The following TMEM132E variants were observed in gnomAD, a reference collection of about 807,000 sequenced individuals.
TMEM132E encodes the protein transmembrane protein 132E.
In TMEM132E, 49 loss-of-function variants were observed where a neutral mutation model predicts 78.5. The ratio of observed to expected loss-of-function variants is 0.62; its 90% CI spans 0.50 to 0.79. TMEM132E has a LOEUF of 0.79. Among genes scored for constraint, TMEM132E ranks in the 30% least tolerant of loss-of-function variants. TMEM132E has a pLI of 0.00. For synonymous variants in TMEM132E, 715 were observed against 670.6 expected, an observed-to-expected ratio of 1.07 and a Z score of -1.02; for missense variants, 1,403 against 1,470.9, an observed-to-expected ratio of 0.95 and a Z score of 0.75.
chr17:34,622,605 A>C (rs1341550359), intron 1 of TMEM132E, among the ~76,000 whole-genome samples: 1 of 152,202 alleles, frequency 6.6e-6, no homozygotes, highest in Non-Finnish European at 1.5e-5. Flanking sequence ...CCCTCCCCTC[A>C]GTGGCCACCC....
rs773194998 is a variant in TMEM132E at position 34,638,205 on chromosome 17, C to A, written c.3198C>A (p.Tyr1066Ter). The change falls in exon 9 of 9, where the codon TAC (tyrosine) becomes TAA (stop). Residue 1066 changes from tyrosine (Y) to a stop codon, truncating the protein, a stop_gained. Coordinates refer to ENST00000631683, the MANE Select transcript of TMEM132E (RefSeq NM_001304438.2). LOFTEE classifies it high-confidence loss of function. ...RPTAPPDLHNYMRRIKEIA is the reference protein window; with the variant it reads ...RPTAPPDLHN ...CTGCACCCCCGGACCTGCACAATTA[C>A]ATGCGCAGAATCAAAGAGATTGCAT... 1 of 1,600,962 alleles carries A rather than the reference C, an allele frequency of 6.2e-7. No homozygotes were observed. The highest frequency in any genetic ancestry group is 8.5e-7 in the Non-Finnish European group (1 of 1,175,226).
chr17:34,632,699 C>T lies in TMEM132E; in HGVS notation c.1483-5C>T, dbSNP rs369592224. 9.9e-6 allele frequency: 16 copies of T among 1,614,050 alleles called. No individual in the cohort carries two copies. Among genetic ancestry groups the T allele is most frequent in the Non-Finnish European group, 1.3e-5 (15 of 1,180,030 alleles). On this transcript the variant is annotated splice_polypyrimidine_tract_variant and splice_region_variant and intron_variant, in intron 5 of 8. Transcript: ENST00000631683. Reference sequence around the variant, plus strand: ...GATGTGCCAACTGTTCCTCCCTTCCCCCAGGTATCCAGCAGCTGTGACTAC... The same window carrying T: ...GATGTGCCAACTGTTCCTCCCTTCCTCCAGGTATCCAGCAGCTGTGACTAC...
rs537505314 is a variant in TMEM132E, at chr17:34,626,788, G to A, written c.729G>A (p.Gly243=). 13 of 1,501,464 alleles carry A rather than the reference G, an allele frequency of 8.7e-6. No individual in the cohort carries two copies. Among genetic ancestry groups the A allele is most frequent in the South Asian group, 1.3e-5 (1 of 79,756 alleles). 93.0% of individuals were successfully genotyped at this position (1,501,464 alleles called of 1,614,324 possible). Residue 243 remains glycine, a synonymous_variant, in exon 2 of 9, where the codon GGG becomes GGA. Coordinates refer to ENST00000631683, the MANE Select transcript of TMEM132E (RefSeq NM_001304438.2). The part of the protein sequence containing the change: ...YYTLHAPDAS[G]GCGGSRRGAG... The stretch of plus-strand genomic sequence containing the variant: ...CGCTCCACGCCCCTGATGCGTCGGG[G>A]GGCTGCGGGGGCTCCCGCCGGGGGG...
chr17:34,604,192 T>C (rs976796065), intron 1 of TMEM132E, among the ~76,000 whole-genome samples: 1 of 152,158 alleles, frequency 6.6e-6, no homozygotes, highest in Non-Finnish European at 1.5e-5. Flanking sequence ...CTGATAACAG[T>C]GGGGCTGGGA....
chr17:34,622,204 C>G (rs755295820), intron 1 of TMEM132E, among the ~76,000 whole-genome samples: 5 of 152,240 alleles, frequency 3.3e-5, no homozygotes, highest in Admixed American at 6.5e-5. Context: ...CCTCTTCCCT[C>G]TCTAGCCACA....
intron 1 of TMEM132E, among the ~76,000 whole-genome samples, chr17:34,585,311 GC>G (rs1905631477): frequency 6.6e-6 from 1 of 152,200 alleles, no homozygotes; most frequent in African/African-American, 2.4e-5. Flanking sequence ...CTTGCCGGGG[GC>G]CTGTCTGGAA....
chr17:34,627,040 G>A lies in TMEM132E; in HGVS notation c.981G>A (p.Val327=). 1 of 1,613,722 alleles carries A rather than the reference G, an allele frequency of 6.2e-7. No individual in the cohort carries two copies. Among genetic ancestry groups the A allele is most frequent in the Non-Finnish European group, 8.5e-7 (1 of 1,180,002 alleles). ...CCTCCTCGCCCTCCAGCCCCAGCGT[G>A]GAGCACTTCACACTCAGGTAGTAGG... ...PNSSSPSSPS[V]EHFTLRVKAK... is the part of the protein sequence containing the mutation. The change falls in exon 2 of 9, where the codon GTG becomes GTA. Residue 327 remains valine (V), a synonymous_variant. Coordinates refer to ENST00000631683, the MANE Select transcript of TMEM132E (RefSeq NM_001304438.2).
chr17:34,594,849 G>A (rs1241055872), intron 1 of TMEM132E, among the ~76,000 whole-genome samples: 1 of 152,256 alleles, frequency 6.6e-6, no homozygotes, highest in African/African-American at 2.4e-5. Context: ...TGGTCCGCTC[G>A]CCTTAGTTTC....
chr17:34,636,121 C>G lies in TMEM132E; in HGVS notation c.2092C>G (p.Leu698Val). ...GGTGGTGGCCAGCCTGGCCCTCTCC[C>G]TGCGGCCCAGCCCTGGGAGCAGCCA... Reference protein sequence around the residue: ...AQVVASLALSLRPSPGSSHTI... With the variant: ...AQVVASLALSVRPSPGSSHTI... The change falls in exon 8 of 9, where the codon CTG becomes GTG. Residue 698 changes from leucine to valine, a missense_variant. By Grantham distance (32) the Leu-to-Val change is conservative. This residue lies in a region of TMEM132E where 888 missense variants were observed against 952.8 expected (regional missense o/e 0.93). Transcript: ENST00000631683. 1 of 1,593,898 alleles carries G rather than the reference C, an allele frequency of 6.3e-7. No individual in the cohort carries two copies. The highest frequency in any genetic ancestry group is 8.5e-7 in the Non-Finnish European group (1 of 1,171,070).
Position 34,621,816 on chromosome 17 carries a change from C to CTGTGTG in TMEM132E, c.68-4293_68-4288dup, listed in dbSNP as rs34320048. Among the ~76,000 whole-genome samples, 11 of 149,472 alleles carry CTGTGTG rather than the reference C, an allele frequency of 7.4e-5. No individual in the cohort carries two copies. The South Asian group carries it at 1.1e-3, about 14-fold the overall frequency. Reference sequence around the variant, plus strand: ...AAGTGGGGGGCGGGCAGGTGCCAGCCTGTGTGTGTGTGTGTGTGTGTGTCC... The same window carrying CTGTGTG: ...AAGTGGGGGGCGGGCAGGTGCCAGCCTGTGTGTGTGTGTGTGTGTGTGTGTGTGTCC... On this transcript the variant is annotated intron_variant, in intron 1 of 8. Transcript: ENST00000631683.
intron 1 of TMEM132E, among the ~76,000 whole-genome samples, chr17:34,618,000 T>C (rs924002548): frequency 6.6e-6 from 1 of 152,238 alleles, no homozygotes; most frequent in Non-Finnish European, 1.5e-5. Flanking sequence ...GTACATAAAA[T>C]TGGTATTATG....
chr17:34,623,262 T>G (rs1211062978), intron 1 of TMEM132E, among the ~76,000 whole-genome samples: 1 of 152,186 alleles, frequency 6.6e-6, no homozygotes, highest in Non-Finnish European at 1.5e-5. Context: ...TGGTGGTCTC[T>G]GCCCCTGCCG....
chr17:34,613,806 C>G (rs992016975), intron 1 of TMEM132E, among the ~76,000 whole-genome samples: 1 of 152,098 alleles, frequency 6.6e-6, no homozygotes, highest in African/African-American at 2.4e-5. Context: ...TGGCAGTTCT[C>G]CTCTCTGGCG....
rs2061010291 is a variant in TMEM132E, at chr17:34,626,121, C to T, written c.68-6C>T. The T allele has an allele frequency of 6.6e-7, 1 of 1,508,044 alleles. No homozygotes were observed. The highest frequency in any genetic ancestry group is 8.8e-7 in the Non-Finnish European group (1 of 1,132,588). The allele number at this position is 1,508,044 out of a possible 1,614,324, so 93.4% of individuals were successfully genotyped here. A position where few individuals can be genotyped will look rare whatever the true frequency, so the allele number is the denominator to read the frequency against. On this transcript the variant is annotated splice_polypyrimidine_tract_variant and splice_region_variant and intron_variant, in intron 1 of 8. Transcript: ENST00000631683. ...CCCTGGGCCTCTTTCCTCTGTCTGTCCCCAGCCTCTGGCCGCTCCCACCCG... is the reference window on the plus strand; with the variant it reads ...CCCTGGGCCTCTTTCCTCTGTCTGTTCCCAGCCTCTGGCCGCTCCCACCCG...
rs568337068 is a variant in TMEM132E, at chr17:34,626,813, G to A, written c.754G>A (p.Ala252Thr). The change falls in exon 2 of 9, where the codon GCC becomes ACC. Residue 252 changes from alanine (A) to threonine (T), a missense_variant. By Grantham distance (58) the Ala-to-Thr change is moderately conservative. This residue lies in a region of TMEM132E where 511 missense variants were observed against 499.0 expected (regional missense o/e 1.02). Transcript: ENST00000631683. Reference sequence around the variant, plus strand: ...GGGCTGCGGGGGCTCCCGCCGGGGGGCCGGGCCCGGGGTGGGGGCCCGAGC... The same window carrying A: ...GGGCTGCGGGGGCTCCCGCCGGGGGACCGGGCCCGGGGTGGGGGCCCGAGC... ...SGGCGGSRRG[A>T]GPGVGARAES... 7.5e-5 allele frequency: 115 copies of A among 1,531,786 alleles called. No homozygotes were observed. In the African/African-American group the frequency reaches 1.4e-3, roughly 19 times the overall value. 94.9% of individuals were successfully genotyped at this position (1,531,786 alleles called of 1,614,324 possible). A position where few individuals can be genotyped will look rare whatever the true frequency, so the allele number is the denominator to read the frequency against.
At chr17:34,595,780 G>A (rs549342170) in intron 1 of TMEM132E, among the ~76,000 whole-genome samples, 18 of 152,220 alleles carry the variant, frequency 1.2e-4, no homozygotes, top group African/African-American at 4.1e-4. Context: ...GGGCAGCAAC[G>A]CCAACAATTG....
intron 1 of TMEM132E, among the ~76,000 whole-genome samples, chr17:34,613,467 C>T (rs905158947): frequency 1.1e-4 from 16 of 150,256 alleles, no homozygotes; most frequent in Admixed American, 9.3e-4. Flanking sequence ...TGGGCCTTCT[C>T]GGTTGGCCCT....
intron 1 of TMEM132E, among the ~76,000 whole-genome samples, chr17:34,621,883 T>G (rs142092001): frequency 1.7e-4 from 26 of 152,218 alleles, no homozygotes; most frequent in African/African-American, 4.6e-4. Flanking sequence ...CTTAGTGTTG[T>G]GCGTCCAAGG....
At position 34,626,730 on chromosome 17, in the gene TMEM132E, CG is replaced by C; in HGVS notation, c.676del (p.Glu226ArgfsTer69). On this transcript the variant is annotated frameshift_variant, in exon 2 of 9. Coordinates refer to ENST00000631683, the MANE Select transcript of TMEM132E (RefSeq NM_001304438.2). LOFTEE classifies it high-confidence loss of function. ...KSPDGLEPEATGESQQAELYY... is the reference protein window; with the variant it reads ...KSPDGLEPEAXGESQQAELYY... ...CCGGACGGGCTGGAGCCCGAGGCGACGGGGGAGAGCCAGCAGGCCGAGCTCT... is the reference window on the plus strand; with the variant it reads ...CCGGACGGGCTGGAGCCCGAGGCGACGGGGAGAGCCAGCAGGCCGAGCTCT... 1.5e-6 allele frequency: 2 copies of C among 1,370,290 alleles called. No homozygotes were observed. Among genetic ancestry groups the C allele is most frequent in the Non-Finnish European group, 1.9e-6 (2 of 1,042,448 alleles). 84.9% of individuals were successfully genotyped at this position (1,370,290 alleles called of 1,614,324 possible).
Sources: gnomAD v4.1 joint callset for allele counts (sites outside exome capture counted in the v4.1 genomes callset) on GRCh38, gnomAD v4.1.1 for gene constraint, gnomAD v4.1.1 regional missense constraint, MANE v1.5 for transcripts, NCBI Gene and HGNC (gene_info 2026-07-23, HGNC 2026-07-21) for gene names.